SINHCAF: variants seen among roughly 807,000 people sequenced by gnomAD.
The protein encoded by SINHCAF is SIN3-HDAC complex associated factor, also known as SIN3-HDAC complex-associated factor.
In SINHCAF, 3 loss-of-function variants were observed where a neutral mutation model predicts 25.8. The observed-to-expected ratio is 0.12, with a 90% CI of 0.05 to 0.30. SINHCAF has a LOEUF of 0.30. SINHCAF is among the 10% of genes least tolerant of loss of function. The pLI is 1.00. For synonymous variants in SINHCAF, 70 were observed against 85.5 expected (o/e 0.82, Z 1.00); for missense variants, 121 against 262.3 (o/e 0.46, Z 3.72).
At chr12:31,293,240 G>A (rs1938406148) in intron 4 of SINHCAF, among the ~76,000 whole-genome samples, 1 of 152,076 alleles carries the variant, frequency 6.6e-6, no homozygotes. Context: ...CCAAAATACA[G>A]ATGTGCCATT....
intron 1 of SINHCAF, among the ~76,000 whole-genome samples, chr12:31,299,465 C>T (rs1410099784): frequency 6.6e-6 from 1 of 151,860 alleles, no homozygotes; most frequent in South Asian, 2.1e-4. Context: ...TACAGGTGCC[C>T]GCCACCACAC....
In SINHCAF at chr12:31,326,121, TTG is replaced by T. The variant is rs1312628481; in HGVS notation, c.-120_-119del. On this transcript the variant is annotated 5_prime_UTR_variant, in exon 1 of 6. Coordinates refer to ENST00000337682, the MANE Select transcript of SINHCAF (RefSeq NM_001135812.2). ...AAGCGCTCCCTCCTCCTCAACTGCCTTGTCTAGAAAGATAGTCTCCTGCAGTT... is the reference window on the plus strand; with the variant it reads ...AAGCGCTCCCTCCTCCTCAACTGCCTTCTAGAAAGATAGTCTCCTGCAGTT... The T allele has an allele frequency of 1.3e-5, 2 of 152,238 alleles. No homozygotes were observed. The highest frequency in any genetic ancestry group is 3.8e-4 in the East Asian group (2 of 5,196). The allele number at this position is 152,238 out of a possible 1,614,324, so 9.4% of individuals were successfully genotyped here. A position where few individuals can be genotyped will look rare whatever the true frequency, so the allele number is the denominator to read the frequency against.
At chr12:31,300,615 GAAAAGAAAATCCTGAAGAA>G (rs1443868520) in intron 1 of SINHCAF, among the ~76,000 whole-genome samples, 1 of 152,064 alleles carries the variant, frequency 6.6e-6, no homozygotes, top group East Asian at 1.9e-4. Context: ...TATGATAACT[GAAAAGAAAATCCTGAAGAA>G]AATGGTCGCA....
At chr12:31,300,327 A>AT (rs1181939612) in intron 1 of SINHCAF, among the ~76,000 whole-genome samples, 8 of 152,206 alleles carry the variant, frequency 5.3e-5, no homozygotes, top group Admixed American at 1.3e-4. Context: ...TTCCTCTGCC[A>AT]TGTTTTTGTT....
chr12:31,307,673 G>A (rs557186175), intron 1 of SINHCAF, among the ~76,000 whole-genome samples: 3 of 152,294 alleles, frequency 2.0e-5, no homozygotes, highest in South Asian at 4.1e-4. Context: ...CAAGTGTTGA[G>A]TTATGATGGG....
chr12:31,297,330 T>C (rs1167188088), intron 2 of SINHCAF, among the ~76,000 whole-genome samples: 3 of 152,030 alleles, frequency 2.0e-5, no homozygotes, highest in Admixed American at 2.0e-4. Context: ...GAGTTTTTTG[T>C]TTGTATTTTT....
intron 4 of SINHCAF, among the ~76,000 whole-genome samples, chr12:31,291,725 A>T (rs1286319448): frequency 6.6e-6 from 1 of 152,066 alleles, no homozygotes; most frequent in Non-Finnish European, 1.5e-5. Flanking sequence ...GATCCGTGCC[A>T]CTGCACTGCA....
At chr12:31,318,153 G>A (rs1049496096) in intron 1 of SINHCAF, among the ~76,000 whole-genome samples, 2 of 152,072 alleles carry the variant, frequency 1.3e-5, no homozygotes, top group Non-Finnish European at 2.9e-5. Flanking sequence ...TTTCACAAAC[G>A]GTCAACAGGA....
intron 1 of SINHCAF, among the ~76,000 whole-genome samples, chr12:31,318,686 C>A: frequency 6.6e-6 from 1 of 150,700 alleles, no homozygotes; most frequent in Non-Finnish European, 1.5e-5. Context: ...CTAGGTCTCC[C>A]AATTCTAGAT....
At chr12:31,300,684 G>A (rs1938752599) in intron 1 of SINHCAF, among the ~76,000 whole-genome samples, 1 of 152,152 alleles carries the variant, frequency 6.6e-6, no homozygotes, top group Non-Finnish European at 1.5e-5. Context: ...ACAGAAGATT[G>A]CAGAAACAAG....
chr12:31,285,402 T>C (rs1220784088), intron 5 of SINHCAF, among the ~76,000 whole-genome samples: 1 of 125,666 alleles, frequency 8.0e-6, no homozygotes, highest in Non-Finnish European at 1.6e-5. Context: ...CATAGACATA[T>C]ATTTATATAT....
intron 1 of SINHCAF, among the ~76,000 whole-genome samples, chr12:31,310,277 A>C (rs1939212616): frequency 2.0e-5 from 3 of 152,152 alleles, no homozygotes; most frequent in African/African-American, 7.2e-5. Context: ...TCCTCTGAGA[A>C]ATGGGGTTTT....
intron 1 of SINHCAF, among the ~76,000 whole-genome samples, chr12:31,300,518 GTACCCTC>G (rs1266703837): frequency 6.6e-6 from 1 of 152,216 alleles, no homozygotes; most frequent in Non-Finnish European, 1.5e-5. Context: ...AAATGAGGAA[GTACCCTC>G]TACACAGTCA....
At chr12:31,315,981 C>T (rs566876314) in intron 1 of SINHCAF, among the ~76,000 whole-genome samples, 8 of 152,240 alleles carry the variant, frequency 5.3e-5, no homozygotes, top group Admixed American at 3.3e-4. Context: ...GCCTGACCAA[C>T]ATGACGCAAC....
chr12:31,292,229 G>A (rs1213749504), intron 4 of SINHCAF, among the ~76,000 whole-genome samples: 1 of 152,180 alleles, frequency 6.6e-6, no homozygotes, highest in Non-Finnish European at 1.5e-5. Context: ...GACTGGGTGT[G>A]ATGGTTCACA....
chr12:31,283,008 AG>A (rs1456830241), intron 5 of SINHCAF, 137 bp from the exon 6 acceptor site: 4 of 613,924 alleles, frequency 6.5e-6, no homozygotes, highest in Non-Finnish European at 1.0e-5. Context: ...TCCAAGTGAA[AG>A]GGCTCCTAGA....
intron 4 of SINHCAF, among the ~76,000 whole-genome samples, chr12:31,289,791 A>G (rs1302437518): frequency 8.0e-6 from 1 of 124,958 alleles, no homozygotes; most frequent in Non-Finnish European, 1.8e-5. Flanking sequence ...CAGACTAAAG[A>G]AAATTTGGGT....
intron 2 of SINHCAF, among the ~76,000 whole-genome samples, chr12:31,297,467 A>ATTTTTT (rs777087270): frequency 6.8e-5 from 7 of 103,430 alleles, no homozygotes; most frequent in South Asian, 3.0e-4. Context: ...GTCAAGCGTA[A>ATTTTTT]TTTTTTTTTT....
intron 2 of SINHCAF, among the ~76,000 whole-genome samples, chr12:31,296,518 T>C (rs551485950): frequency 1.8e-4 from 28 of 152,216 alleles, no homozygotes; most frequent in Non-Finnish European, 3.4e-4. Context: ...AGTAAAATAA[T>C]GTGCCATAAT....
Sources: allele counts gnomAD v4.1 joint callset (sites outside exome capture counted in the v4.1 genomes callset), GRCh38; gene constraint gnomAD v4.1.1; transcripts MANE v1.5; gene names NCBI Gene and HGNC (gene_info 2026-07-23, HGNC 2026-07-21).